Variants in KAZN observed in about 807,000 individuals in gnomAD.
KAZN encodes kazrin, periplakin interacting protein.
A neutral mutation model predicts 87.4 loss-of-function variants in KAZN; 40 were observed. The observed-to-expected ratio is 0.46, with a 90% CI of 0.36 to 0.60. The LOEUF is 0.60. Among genes scored for constraint, KAZN ranks in the 20% least tolerant of loss-of-function variants. The probability of loss-of-function intolerance (pLI) is 0.00; values close to 1 mark genes in which losing one functional copy is unlikely to be tolerated. For synonymous variants in KAZN, 466 were observed against 458.3 expected (o/e 1.02, Z -0.22); for missense variants, 898 against 1,073.9 (o/e 0.84, Z 2.29).
At chr1:13,923,126 CT>C (rs1557722625) in intron 1 of KAZN, among the ~76,000 whole-genome samples, 1 of 152,178 alleles carries the variant, frequency 6.6e-6, no homozygotes, top group African/African-American at 2.4e-5. Context: ...CTTTCCAGAA[CT>C]TAACTACCAA....
intron 1 of KAZN, among the ~76,000 whole-genome samples, chr1:14,915,200 AAAAG>A: frequency 6.6e-6 from 1 of 152,332 alleles, no homozygotes; most frequent in African/African-American, 2.4e-5. Context: ...AAGAAAGAAA[AAAAG>A]AAAAGAAAAT....
intron 8 of KAZN, among the ~76,000 whole-genome samples, chr1:15,084,880 C>T (rs1170396477): frequency 2.0e-5 from 3 of 152,192 alleles, no homozygotes; most frequent in Non-Finnish European, 4.4e-5. Flanking sequence ...CCCTCTAAGG[C>T]CTTTTCAGGT....
At chr1:15,111,278 TTG>T (rs1307912029) in intron 13 of KAZN, among the ~76,000 whole-genome samples, 3 of 138,886 alleles carry the variant, frequency 2.2e-5, no homozygotes, top group Admixed American at 7.4e-5. Context: ...TTGTTTGTTG[TTG>T]TTGTTGTTGT....
intron 2 of KAZN, among the ~76,000 whole-genome samples, chr1:14,490,927 C>T (rs966026454): frequency 6.6e-6 from 1 of 152,144 alleles, no homozygotes; most frequent in Non-Finnish European, 1.5e-5. Flanking sequence ...CATTTGGTCA[C>T]ATTTCAAAAG....
intron 1 of KAZN, among the ~76,000 whole-genome samples, chr1:14,012,721 C>T (rs543023604): frequency 6.6e-6 from 1 of 152,298 alleles, no homozygotes; most frequent in East Asian, 1.9e-4. Flanking sequence ...ACGAGAATCA[C>T]TTGAATCCAG....
intron 1 of KAZN, among the ~76,000 whole-genome samples, chr1:14,910,740 G>A (rs1263684945): frequency 6.6e-6 from 1 of 152,152 alleles, no homozygotes; most frequent in Non-Finnish European, 1.5e-5. Flanking sequence ...TGAGCAAGAG[G>A]GGGCTTACCT....
rs74061904 is a variant in KAZN at position 14,820,601 on chromosome 1, T to C, written c.227-140083T>C. Among the ~76,000 whole-genome samples the C allele has an allele frequency of 2.7e-3, 410 of 152,320 alleles. 2 individuals are homozygous for C. Among genetic ancestry groups the C allele is most frequent in the African/African-American group, 9.2e-3 (383 of 41,572 alleles). On this transcript the variant is annotated intron_variant, in intron 1 of 14. Transcript: ENST00000376030. The surrounding 1 kb of genome is among the most constrained non-coding windows in gnomAD (Gnocchi z 4.1). The stretch of plus-strand genomic sequence containing the variant: ...ACTCTCGCCCACAGTGAGTTGGCAA[T>C]GCCTGGCCACGTGTGCTCTGTGGTC...
chr1:14,568,477 A>G (rs1157307408), intron 2 of KAZN, among the ~76,000 whole-genome samples: 1 of 152,226 alleles, frequency 6.6e-6, no homozygotes, highest in African/African-American at 2.4e-5. Context: ...GGTGAAAGGC[A>G]TGTATTATAT....
chr1:14,656,328 C>G (rs1638789640), intron 1 of KAZN, among the ~76,000 whole-genome samples: 1 of 152,130 alleles, frequency 6.6e-6, no homozygotes, highest in Admixed American at 6.5e-5. Flanking sequence ...AGTTTCCGGT[C>G]CCAGAAGCCT....
intron 2 of KAZN, among the ~76,000 whole-genome samples, chr1:14,332,845 A>G (rs935873521): frequency 6.7e-6 from 1 of 149,894 alleles, no homozygotes; most frequent in African/African-American, 2.5e-5. Context: ...TTAGGTGCTC[A>G]GCAAAACTGA....
intron 1 of KAZN, among the ~76,000 whole-genome samples, chr1:14,688,006 T>C (rs1474180722): frequency 2.6e-5 from 4 of 152,170 alleles, no homozygotes; most frequent in Non-Finnish European, 5.9e-5. Context: ...GACTACAAGA[T>C]GTCACAAGTT....
At chr1:15,027,074 T>C (rs1671243731) in intron 2 of KAZN, among the ~76,000 whole-genome samples, 1 of 105,156 alleles carries the variant, frequency 9.5e-6, no homozygotes, top group East Asian at 2.8e-4. Flanking sequence ...GTGCTTCTTT[T>C]TTTTTTTTTT....
At chr1:14,312,948 C>T (rs1655403844) in intron 2 of KAZN, among the ~76,000 whole-genome samples, 1 of 152,134 alleles carries the variant, frequency 6.6e-6, no homozygotes, top group African/African-American at 2.4e-5. Context: ...ACAGAGGACC[C>T]AGTTAAGCTA....
intron 2 of KAZN, 51 bp downstream of exon 2, chr1:14,960,926 G>T (rs1198983416): frequency 1.3e-5 from 20 of 1,540,566 alleles, no homozygotes; most frequent in Non-Finnish European, 1.7e-5. Context: ...AGGCCCCAGG[G>T]ATCTGGAGTC....
rs1466005099 is a variant in KAZN, at chr1:13,976,635, TG to T, written c.91+82880del. 2.0e-5 allele frequency among the ~76,000 whole-genome samples: 3 copies of T among 152,206 alleles called. No homozygotes were observed. In the East Asian group the frequency reaches 5.8e-4, roughly 29 times the overall value. On this transcript the variant is annotated intron_variant, in intron 1 of 16. Coordinates refer to the KAZN transcript ENST00000636203. ...CAATTGTACATTACACTGGAACACC[TG>T]TGGAAGTGCAGATTATATCTACATG...
chr1:14,323,037 A>G (rs960896486), intron 2 of KAZN, among the ~76,000 whole-genome samples: 14 of 152,170 alleles, frequency 9.2e-5, no homozygotes, highest in African/African-American at 3.4e-4. Flanking sequence ...AGCCCCTTAT[A>G]TAATAAAACC....
At chr1:14,507,518 T>C (rs1455466621) in intron 2 of KAZN, among the ~76,000 whole-genome samples, 1 of 152,134 alleles carries the variant, frequency 6.6e-6, no homozygotes, top group Admixed American at 6.6e-5. Context: ...GCTAAATATA[T>C]AGTCAGTGCA....
chr1:14,046,942 G>A (rs1260689331), intron 1 of KAZN, among the ~76,000 whole-genome samples: 1 of 152,164 alleles, frequency 6.6e-6, no homozygotes, highest in African/African-American at 2.4e-5. Context: ...AATCTTATGG[G>A]GTACACCTGG....
intron 1 of KAZN, among the ~76,000 whole-genome samples, chr1:14,071,227 C>T (rs1643234996): frequency 6.6e-6 from 1 of 152,094 alleles, no homozygotes; most frequent in African/African-American, 2.4e-5. Context: ...TTAAATGGAC[C>T]CAAACTGGGA....
Sources: gnomAD v4.1 joint callset for allele counts (sites outside exome capture counted in the v4.1 genomes callset) on GRCh38, gnomAD v4.1.1 for gene constraint, Gnocchi (gnomAD v3.1) non-coding constraint, MANE v1.5 for transcripts, NCBI Gene and HGNC (gene_info 2026-07-23, HGNC 2026-07-21) for gene names.